DOCK10: variants seen among roughly 807,000 people sequenced by gnomAD.
DOCK10 encodes the protein dedicator of cytokinesis protein 10.
Under a neutral mutation model 280.1 loss-of-function variants are expected in DOCK10, and 145 were observed. The ratio of observed to expected loss-of-function variants is 0.52; its 90% CI spans 0.45 to 0.59. The LOEUF is 0.59. DOCK10 is among the 20% of genes least tolerant of loss of function. The probability of loss-of-function intolerance (pLI) is 0.00; values close to 1 mark genes in which losing one functional copy is unlikely to be tolerated. For missense variants in DOCK10, 2,368 were observed against 2,651.7 expected (o/e 0.89, Z 2.35); for synonymous variants, 915 against 942.2 (o/e 0.97, Z 0.53).
rs1574927539 is a variant in DOCK10, at chr2:224,845,646, C to T, written c.2236-4G>A. ...GTGTTGGTAGCTCAATTTTCACCTG[C>T]AACGAAAGAAACCATAGTTGGACTG... is the stretch of plus-strand genomic sequence containing the variant. On this transcript the variant is annotated splice_region_variant and splice_polypyrimidine_tract_variant and intron_variant, in intron 19 of 55. Transcript: ENST00000258390. 1 of 1,607,156 alleles carries T rather than the reference C, an allele frequency of 6.2e-7. No homozygotes were observed. Among genetic ancestry groups the T allele is most frequent in the East Asian group, 2.2e-5 (1 of 44,798 alleles).
intron 1 of DOCK10, among the ~76,000 whole-genome samples, chr2:224,976,026 C>A (rs1705416591): frequency 6.6e-6 from 1 of 152,074 alleles, no homozygotes; most frequent in Non-Finnish European, 1.5e-5. Context: ...GAATTCTGAC[C>A]AGCATACTGT....
chr2:224,885,865 A>G, intron 6 of DOCK10, 60 bp from the exon 7 acceptor site: 1 of 1,569,412 alleles, frequency 6.4e-7, no homozygotes, highest in South Asian at 1.2e-5. Flanking sequence ...TACTCATAGA[A>G]ATTAGAATTA....
intron 4 of DOCK10, among the ~76,000 whole-genome samples, chr2:224,895,843 A>G (rs571051841): frequency 0.026 from 3,396 of 129,778 alleles, 45 homozygotes; most frequent in African/African-American, 0.047. Flanking sequence ...GTGTGTGTGT[A>G]TATATATATA....
chr2:224,888,746 G>A (rs1160275657), intron 4 of DOCK10, among the ~76,000 whole-genome samples: 1 of 150,748 alleles, frequency 6.6e-6, no homozygotes, highest in Admixed American at 6.6e-5. Flanking sequence ...ATGTGTGTAT[G>A]TGTGTGTGAA....
intron 50 of DOCK10, 69 bp from the exon 51 acceptor site, chr2:224,778,353 GC>G: frequency 6.9e-7 from 1 of 1,453,140 alleles, no homozygotes; most frequent in South Asian, 1.2e-5. Flanking sequence ...AAAACAAAAA[GC>G]CATTTACTTA....
chr2:224,852,365 G>C lies in DOCK10; in HGVS notation c.2142+12C>G. 1 of 1,564,594 alleles carries C rather than the reference G, an allele frequency of 6.4e-7. No individual in the cohort carries two copies. The highest frequency in any genetic ancestry group is 8.7e-7 in the Non-Finnish European group (1 of 1,153,076). On this transcript the variant is annotated intron_variant, in intron 18 of 55. Coordinates refer to ENST00000258390, the MANE Select transcript of DOCK10 (RefSeq NM_014689.3). ...CCACTTTATGCTGGGTCCCTTTGCT[G>C]ACTTGGCTCACCTTCAGGGGCTTGG...
chr2:224,982,099 T>C (rs1705778770), intron 1 of DOCK10: 6 of 809,742 alleles, frequency 7.4e-6, no homozygotes, highest in Non-Finnish European at 9.9e-6. Flanking sequence ...TAGTAAACTC[T>C]AGGTCACACA....
intron 1 of DOCK10, among the ~76,000 whole-genome samples, chr2:225,006,720 G>A (rs1689274923): frequency 6.6e-6 from 1 of 152,222 alleles, no homozygotes; most frequent in Non-Finnish European, 1.5e-5. Flanking sequence ...AGCAAGGAAG[G>A]AATAAACATG....
intron 47 of DOCK10, among the ~76,000 whole-genome samples, chr2:224,789,637 G>C (rs948689410): frequency 6.6e-6 from 1 of 152,100 alleles, no homozygotes; most frequent in African/African-American, 2.4e-5. Context: ...CTACTTAGGA[G>C]GCTGAGACAG....
At chr2:224,812,960 T>C (rs531083233) in intron 31 of DOCK10, among the ~76,000 whole-genome samples, 1 of 152,286 alleles carries the variant, frequency 6.6e-6, no homozygotes, top group East Asian at 1.9e-4. Flanking sequence ...CTTTTGGTTG[T>C]GTCTCTGCTA....
intron 40 of DOCK10, among the ~76,000 whole-genome samples, chr2:224,800,817 T>C (rs1306300596): frequency 3.9e-5 from 6 of 152,164 alleles, no homozygotes. Context: ...CCTGAGAACA[T>C]GTGCCCAAGG....
intron 1 of DOCK10, among the ~76,000 whole-genome samples, chr2:225,008,468 AT>A (rs1247113148): frequency 6.6e-6 from 1 of 152,326 alleles, no homozygotes; most frequent in Non-Finnish European, 1.5e-5. Context: ...TTTAGCATTT[AT>A]GGGTTTCAGT....
At chr2:224,891,403 G>A (rs1365823016) in intron 4 of DOCK10, among the ~76,000 whole-genome samples, 1 of 152,152 alleles carries the variant, frequency 6.6e-6, no homozygotes, top group East Asian at 1.9e-4. Context: ...AAATTTCTCA[G>A]TGATTTTTCC....
In DOCK10 at chr2:224,956,171, A is replaced by G. The variant is rs141206629; in HGVS notation, c.124-24503T>C. 3.3e-4 allele frequency among the ~76,000 whole-genome samples: 50 copies of G among 152,360 alleles called. No individual in the cohort carries two copies. The East Asian group carries it at 6.6e-3, about 20-fold the overall frequency. On this transcript the variant is annotated intron_variant, in intron 1 of 55. Coordinates refer to ENST00000258390, the MANE Select transcript of DOCK10 (RefSeq NM_014689.3). ...TGAGACTTGATTTGGGACCTGGACA[A>G]TAGTAGGACTTTGAAAGTTACTACT...
chr2:224,885,767 T>C lies in DOCK10; in HGVS notation c.651A>G (p.Pro217=), dbSNP rs751785969. The change falls in exon 7 of 56, where the codon CCA becomes CCG. Residue 217 remains proline, a synonymous_variant. Coordinates refer to ENST00000258390, the MANE Select transcript of DOCK10 (RefSeq NM_014689.3). ...KKRYFQLTQL[P]DNSYIMNFYK... ...AAAAGTTCATAATGTAGGAGTTATC[T>C]GGTAACTGAGTCAGCTGGAAGTAGC... 1.9e-6 allele frequency: 3 copies of C among 1,613,610 alleles called. No homozygotes were observed. Among genetic ancestry groups the C allele is most frequent in the African/African-American group, 1.3e-5 (1 of 75,036 alleles).
chr2:224,874,075 C>T lies in DOCK10; in HGVS notation c.1178G>A (p.Arg393Lys). Residue 393 changes from arginine (R) to lysine (K), a missense_variant, in exon 11 of 56, where the codon AGA (arginine) becomes AAA (lysine). Transcript: ENST00000258390. Reference protein sequence around the residue: ...IKPFEEKAAKRIMIICKALNS... With the variant: ...IKPFEEKAAKKIMIICKALNS... ...GAGGGCTTTACAGATGATCATGATT[C>T]TCTTGGCAGCTTTTTCTTCAAATGG... The T allele has an allele frequency of 6.2e-7, 1 of 1,613,182 alleles. No homozygotes were observed. Among genetic ancestry groups the T allele is most frequent in the Non-Finnish European group, 8.5e-7 (1 of 1,179,534 alleles).
intron 31 of DOCK10, among the ~76,000 whole-genome samples, chr2:224,811,918 G>A (rs1170940304): frequency 7.2e-5 from 11 of 151,988 alleles, no homozygotes; most frequent in South Asian, 4.2e-4. Flanking sequence ...GTCAGGTAGC[G>A]TGATGCCTCC....
intron 7 of DOCK10, among the ~76,000 whole-genome samples, chr2:224,876,483 C>T (rs1559631367): frequency 6.6e-6 from 1 of 152,146 alleles, no homozygotes; most frequent in Non-Finnish European, 1.5e-5. Flanking sequence ...TCATCACGGG[C>T]ATGTGCTTGA....
chr2:225,026,966 G>A (rs1434831792), intron 1 of DOCK10, among the ~76,000 whole-genome samples: 1 of 152,142 alleles, frequency 6.6e-6, no homozygotes, highest in African/African-American at 2.4e-5. Flanking sequence ...TGTGTTAAAT[G>A]GTTCAGACTA....
Sources: gnomAD v4.1 joint callset for allele counts (sites outside exome capture counted in the v4.1 genomes callset) on GRCh38, gnomAD v4.1.1 for gene constraint, MANE v1.5 for transcripts, NCBI Gene and HGNC (gene_info 2026-07-23, HGNC 2026-07-21) for gene names.